MICU3: variants seen among roughly 807,000 people sequenced by gnomAD.
The protein encoded by MICU3 is mitochondrial calcium uptake 3, also known as calcium uptake protein 3, mitochondrial.
A neutral mutation model predicts 66.5 loss-of-function variants in MICU3; 62 were observed. That is an observed-to-expected ratio of 0.93 (90% CI 0.76 to 1.15). The LOEUF (loss-of-function observed/expected upper bound fraction) is 1.15, where lower values mean the gene tolerates loss of function less well. MICU3 is among the 50% of genes most tolerant of loss of function. The probability of loss-of-function intolerance (pLI) is 0.00; values close to 1 mark genes in which losing one functional copy is unlikely to be tolerated. For synonymous variants in MICU3, 308 were observed against 240.7 expected, an observed-to-expected ratio of 1.28 and a Z score of -2.59; for missense variants, 779 against 664.4, an observed-to-expected ratio of 1.17 and a Z score of -1.90.
intron 11 of MICU3, among the ~76,000 whole-genome samples, chr8:17,106,704 A>C (rs981253795): frequency 1.3e-5 from 2 of 152,076 alleles, no homozygotes; most frequent in Non-Finnish European, 2.9e-5. Context: ...AAAAATTTGC[A>C]CGTGAATCAA....
rs1472965481 is a variant in MICU3, at chr8:17,122,227, GATAAA to G, written c.*1944_*1948del. 6 of 151,812 alleles carry G rather than the reference GATAAA, an allele frequency of 4.0e-5. No homozygotes were observed. The highest frequency in any genetic ancestry group is 1.2e-4 in the African/African-American group (5 of 41,514). 9.4% of individuals were successfully genotyped at this position (151,812 alleles called of 1,614,324 possible). ...TAAAATGTGAATAAATAAATGTTCT[GATAAA>G]ATAGAAAAGAAAGTAAATTACAGTG... On this transcript the variant is annotated 3_prime_UTR_variant, in exon 15 of 15. Transcript: ENST00000318063.
chr8:17,056,125 C>A (rs1423195805), intron 1 of MICU3, among the ~76,000 whole-genome samples: 2 of 152,180 alleles, frequency 1.3e-5, no homozygotes, highest in Admixed American at 6.5e-5. Context: ...CTATCCGAAT[C>A]CCCTGTTTCA....
chr8:17,051,622 T>C (rs529336158), intron 1 of MICU3, among the ~76,000 whole-genome samples: 5 of 152,264 alleles, frequency 3.3e-5, no homozygotes, highest in Non-Finnish European at 7.4e-5. Context: ...AGTGAAATCT[T>C]ACAAACAGAA....
intron 8 of MICU3, among the ~76,000 whole-genome samples, chr8:17,091,568 G>T (rs1800060054): frequency 6.6e-6 from 1 of 152,028 alleles, no homozygotes; most frequent in Non-Finnish European, 1.5e-5. Flanking sequence ...GCTACTGGAG[G>T]CTGATCCCTG....
At chr8:17,057,978 G>C (rs1325437572) in intron 1 of MICU3, among the ~76,000 whole-genome samples, 10 of 152,002 alleles carry the variant, frequency 6.6e-5, no homozygotes, top group Non-Finnish European at 1.5e-4. Flanking sequence ...TCCCCAAGTA[G>C]CTGAGATTAC....
chr8:17,070,005 T>C (rs1327177065), intron 3 of MICU3, among the ~76,000 whole-genome samples: 1 of 152,046 alleles, frequency 6.6e-6, no homozygotes, highest in East Asian at 1.9e-4. Context: ...AAATTGGCGA[T>C]ATGCCTACCC....
At chr8:17,094,417 C>G (rs539018048) in intron 8 of MICU3, among the ~76,000 whole-genome samples, 1 of 151,892 alleles carries the variant, frequency 6.6e-6, no homozygotes, top group East Asian at 1.9e-4. Context: ...AATTTAAAAA[C>G]TCATATGTTA....
chr8:17,044,538 A>G (rs547464732), intron 1 of MICU3, among the ~76,000 whole-genome samples: 1 of 152,324 alleles, frequency 6.6e-6, no homozygotes, highest in South Asian at 2.1e-4. Flanking sequence ...GTAACCTAGA[A>G]AAATTGGTGA....
At chr8:17,056,366 C>T (rs1241698077) in intron 1 of MICU3, among the ~76,000 whole-genome samples, 1 of 152,202 alleles carries the variant, frequency 6.6e-6, no homozygotes, top group South Asian at 2.1e-4. Context: ...CCAAATGAAT[C>T]ATATGCTGCA....
intron 3 of MICU3, among the ~76,000 whole-genome samples, chr8:17,074,980 T>C (rs1169490382): frequency 6.6e-6 from 1 of 152,124 alleles, no homozygotes; most frequent in African/African-American, 2.4e-5. Context: ...ACTCTGACCT[T>C]ACTGTCTACA....
At chr8:17,092,038 C>A (rs899328376) in intron 8 of MICU3, among the ~76,000 whole-genome samples, 2 of 151,918 alleles carry the variant, frequency 1.3e-5, no homozygotes, top group African/African-American at 4.8e-5. Flanking sequence ...CCACCATGCC[C>A]AGCTAATTTT....
At chr8:17,079,025 A>T (rs1273853764) in intron 4 of MICU3, among the ~76,000 whole-genome samples, 2 of 152,152 alleles carry the variant, frequency 1.3e-5, no homozygotes, top group Non-Finnish European at 2.9e-5. Flanking sequence ...TACAAATTGG[A>T]TCAAATATAA....
At chr8:17,078,851 G>T (rs1173898625) in intron 4 of MICU3, among the ~76,000 whole-genome samples, 1 of 151,916 alleles carries the variant, frequency 6.6e-6, no homozygotes, top group Non-Finnish European at 1.5e-5. Flanking sequence ...CTAGGCCAAA[G>T]TGTCTTAAAA....
At chr8:17,035,812 T>C (rs1163597044) in intron 1 of MICU3, among the ~76,000 whole-genome samples, 1 of 152,184 alleles carries the variant, frequency 6.6e-6, no homozygotes, top group Non-Finnish European at 1.5e-5. Context: ...AACCCCATTT[T>C]CTCAGGAGAA....
At position 17,088,070 on chromosome 8, in the gene MICU3, G is replaced by T. The variant is rs184472876; in HGVS notation, c.849+1035G>T. ...CATAGATTATTATCTATAGCAGATG[G>T]GTGCCATATTCAATCCCAATATATT... On this transcript the variant is annotated intron_variant, in intron 7 of 14. Coordinates refer to ENST00000318063, the MANE Select transcript of MICU3 (RefSeq NM_181723.3). 1.6e-4 allele frequency among the ~76,000 whole-genome samples: 25 copies of T among 151,842 alleles called. No individual in the cohort carries two copies. In the East Asian group the frequency reaches 4.1e-3, roughly 25 times the overall value.
intron 1 of MICU3, among the ~76,000 whole-genome samples, chr8:17,053,665 A>T (rs1816459175): frequency 6.6e-6 from 1 of 152,166 alleles, no homozygotes; most frequent in Admixed American, 6.5e-5. Flanking sequence ...TAAAGCATCC[A>T]CCAAGTTACC....
chr8:17,086,791 T>C (rs1799515008), intron 6 of MICU3, among the ~76,000 whole-genome samples, 173 bp from the exon 7 acceptor site: 1 of 152,074 alleles, frequency 6.6e-6, no homozygotes, highest in Non-Finnish European at 1.5e-5. Context: ...TACCAAAGGA[T>C]ATATCTTCTT....
At chr8:17,053,338 T>G (rs1049762608) in intron 1 of MICU3, among the ~76,000 whole-genome samples, 4 of 152,194 alleles carry the variant, frequency 2.6e-5, no homozygotes, top group Admixed American at 2.6e-4. Context: ...CTTGCCTCCC[T>G]GGGAAAACTA....
intron 2 of MICU3, among the ~76,000 whole-genome samples, chr8:17,065,222 TTA>T (rs1220441352): frequency 6.6e-6 from 1 of 152,170 alleles, no homozygotes; most frequent in African/African-American, 2.4e-5. Flanking sequence ...ACTAGAACAA[TTA>T]TAGCCATTTT....
Sources: gnomAD v4.1 joint callset for allele counts (sites outside exome capture counted in the v4.1 genomes callset) on GRCh38, gnomAD v4.1.1 for gene constraint, MANE v1.5 for transcripts, NCBI Gene and HGNC (gene_info 2026-07-23, HGNC 2026-07-21) for gene names.